FAM174B: variants seen among roughly 807,000 people sequenced by gnomAD.
FAM174B encodes the protein membrane protein FAM174B.
Under a neutral mutation model 10.9 loss-of-function variants are expected in FAM174B, and 12 were observed. The ratio of observed to expected loss-of-function variants is 1.10; its 90% CI spans 0.71 to 1.79. The LOEUF is 1.79. Ranked by LOEUF, FAM174B falls within the 40% of genes most tolerant of loss-of-function variation. The probability of loss-of-function intolerance (pLI) is 0.00; values close to 1 mark genes in which losing one functional copy is unlikely to be tolerated. For synonymous variants in FAM174B, 132 were observed against 115.8 expected (o/e 1.14, Z -0.90); for missense variants, 266 against 233.3 (o/e 1.14, Z -0.91).
At position 92,655,297 on chromosome 15, in the gene FAM174B, A is replaced by G. The variant is rs780750173; in HGVS notation, c.344+19T>C. On this transcript the variant is annotated intron_variant, in intron 1 of 2. Transcript: ENST00000327355. ...GCCCTGTCGGCCGGCGGGGGAAGGA[A>G]GAGGGCGGGAGGGCCCACCTGAAGA... is the stretch of plus-strand genomic sequence containing the variant. The G allele has an allele frequency of 2.0e-6, 3 of 1,525,432 alleles. No individual in the cohort carries two copies. The highest frequency in any genetic ancestry group is 2.7e-5 in the East Asian group (1 of 37,368). The allele number at this position is 1,525,432 out of a possible 1,614,324, so 94.5% of individuals were successfully genotyped here.
chr15:92,632,266 C>T (rs957734494), intron 1 of FAM174B, among the ~76,000 whole-genome samples: 1 of 152,158 alleles, frequency 6.6e-6, no homozygotes, highest in Non-Finnish European at 1.5e-5. Context: ...GGCTCTCGGC[C>T]GGGTGCGGTG....
intron 2 of FAM174B, among the ~76,000 whole-genome samples, chr15:92,629,679 G>A (rs2050777831): frequency 6.6e-6 from 1 of 152,210 alleles, no homozygotes; most frequent in Non-Finnish European, 1.5e-5. Context: ...GTTTCTGGGT[G>A]CAGTGTGTTC....
intron 2 of FAM174B, among the ~76,000 whole-genome samples, chr15:92,625,094 TC>T (rs1458022945): frequency 6.6e-6 from 1 of 152,212 alleles, no homozygotes. Context: ...TATCATTTCT[TC>T]TTTCTAATTA....
At chr15:92,624,135 A>G (rs1485746905) in intron 2 of FAM174B, among the ~76,000 whole-genome samples, 2 of 152,184 alleles carry the variant, frequency 1.3e-5, no homozygotes, top group Non-Finnish European at 2.9e-5. Context: ...AAAATTCTCC[A>G]TGAGATGCCC....
At chr15:92,635,629 G>A (rs2050851047) in intron 1 of FAM174B, among the ~76,000 whole-genome samples, 1 of 147,060 alleles carries the variant, frequency 6.8e-6, no homozygotes, top group Non-Finnish European at 1.5e-5. Context: ...AGCCCAGGCT[G>A]GAGTGCAGTG....
chr15:92,630,110 C>T (rs1464854276), intron 2 of FAM174B, 104 bp downstream of exon 2: 22 of 1,210,558 alleles, frequency 1.8e-5, no homozygotes, highest in Non-Finnish European at 2.6e-5. Flanking sequence ...CAGGACCCAA[C>T]ACTTCACTAA....
intron 1 of FAM174B, among the ~76,000 whole-genome samples, chr15:92,640,861 T>C (rs1245171839): frequency 6.6e-6 from 1 of 151,922 alleles, no homozygotes; most frequent in Non-Finnish European, 1.5e-5. Flanking sequence ...GCTAGGCTGG[T>C]TTTGAACTCC....
intron 1 of FAM174B, among the ~76,000 whole-genome samples, chr15:92,648,144 G>A (rs1288896643): frequency 6.6e-6 from 1 of 152,112 alleles, no homozygotes; most frequent in Non-Finnish European, 1.5e-5. Flanking sequence ...TCATGTCTTT[G>A]CCTGTAACTT....
chr15:92,632,816 C>T (rs982488313), intron 1 of FAM174B, among the ~76,000 whole-genome samples: 5 of 152,112 alleles, frequency 3.3e-5, no homozygotes, highest in African/African-American at 9.7e-5. Flanking sequence ...GGACACCGTG[C>T]CAGACCTAAC....
At chr15:92,627,914 T>G (rs58674842) in intron 2 of FAM174B, among the ~76,000 whole-genome samples, 13,411 of 152,242 alleles carry the variant, frequency 0.088, 1,002 homozygotes, top group African/African-American at 0.2. Context: ...AATCACTAAC[T>G]TTCCTAGGTA....
intron 1 of FAM174B, among the ~76,000 whole-genome samples, chr15:92,643,300 A>G (rs2050903659): frequency 6.6e-6 from 1 of 150,704 alleles, no homozygotes. Context: ...AATATAGTAT[A>G]TAAGTTATAT....
intron 1 of FAM174B, among the ~76,000 whole-genome samples, chr15:92,637,359 A>C (rs2050862709): frequency 6.6e-6 from 1 of 152,222 alleles, no homozygotes; most frequent in Admixed American, 6.5e-5. Context: ...AGAGAGACCA[A>C]GTCCTAAATC....
intron 1 of FAM174B, 29 bp downstream of exon 1, chr15:92,655,287 G>A (rs1317574803): frequency 6.6e-6 from 10 of 1,509,026 alleles, no homozygotes; most frequent in Non-Finnish European, 8.9e-6. Context: ...GTCGGCCGGC[G>A]GGGGAAGGAA....
intron 1 of FAM174B, among the ~76,000 whole-genome samples, chr15:92,640,350 G>A (rs1190012869): frequency 4.6e-5 from 7 of 151,792 alleles, no homozygotes; most frequent in African/African-American, 1.5e-4. Flanking sequence ...TCAGGAGTTC[G>A]AGACCAGCCT....
intron 2 of FAM174B, among the ~76,000 whole-genome samples, chr15:92,621,483 G>T (rs1432513935): frequency 4.6e-5 from 7 of 151,988 alleles, no homozygotes; most frequent in African/African-American, 1.7e-4. Context: ...ATGGTGGCTT[G>T]TGCCTGTAGT....
At chr15:92,621,624 A>AG (rs2050720059) in intron 2 of FAM174B, among the ~76,000 whole-genome samples, 1 of 148,922 alleles carries the variant, frequency 6.7e-6, no homozygotes, top group Non-Finnish European at 1.5e-5. Context: ...AAAAAAAAAA[A>AG]TTGAGTATCT....
Position 92,631,462 on chromosome 15 carries a change from T to A in FAM174B, c.345-1117A>T, listed in dbSNP as rs1389372933. 3.7e-4 allele frequency among the ~76,000 whole-genome samples: 21 copies of A among 56,832 alleles called. 1 individual carries two copies. Among genetic ancestry groups the A allele is most frequent in the Non-Finnish European group, 1.2e-4 (4 of 34,424 alleles). The allele number at this position is 56,832 out of a possible 152,430, so 37.3% of individuals were successfully genotyped here. A position where few individuals can be genotyped will look rare whatever the true frequency, so the allele number is the denominator to read the frequency against. The stretch of plus-strand genomic sequence containing the variant: ...ATTATATATATAACATAATATATAT[T>A]ATATATAATTTATAATATATTATAT... On this transcript the variant is annotated intron_variant, in intron 1 of 2. Transcript: ENST00000327355.
At chr15:92,649,717 T>G (rs2050952208) in intron 1 of FAM174B, among the ~76,000 whole-genome samples, 1 of 152,196 alleles carries the variant, frequency 6.6e-6, no homozygotes, top group African/African-American at 2.4e-5. Context: ...CTGGCACCCT[T>G]GACATTTGGG....
At chr15:92,623,734 G>GA (rs2050735128) in intron 2 of FAM174B, among the ~76,000 whole-genome samples, 1 of 152,354 alleles carries the variant, frequency 6.6e-6, no homozygotes, top group Admixed American at 6.5e-5. Flanking sequence ...GAACGACGGA[G>GA]AAGCCGGAGG....
Sources: gnomAD v4.1 joint callset for allele counts (sites outside exome capture counted in the v4.1 genomes callset) on GRCh38, gnomAD v4.1.1 for gene constraint, MANE v1.5 for transcripts, NCBI Gene and HGNC (gene_info 2026-07-23, HGNC 2026-07-21) for gene names.